IL13RA1: variants seen among roughly 807,000 people sequenced by gnomAD.
IL13RA1 encodes the protein interleukin-13 receptor subunit alpha-1.
IL13RA1 carries 14 observed loss-of-function variants against 33.8 expected under a neutral mutation model. That is an observed-to-expected ratio of 0.41 (90% confidence interval 0.27 to 0.65). IL13RA1 has a LOEUF of 0.65. Ranked by LOEUF, IL13RA1 falls within the 30% of genes least tolerant of loss-of-function variation. The pLI, the probability that IL13RA1 is intolerant of heterozygous loss-of-function variation, is 0.28. For missense variants in IL13RA1, 313 were observed against 327.0 expected, an observed-to-expected ratio of 0.96 and a Z score of 0.33; for synonymous variants, 116 against 115.7, an observed-to-expected ratio of 1.00 and a Z score of -0.02.
chrX:118,757,055 A>G (rs1202867057), intron 4 of IL13RA1, among the ~76,000 whole-genome samples: 1 of 111,926 alleles, frequency 8.9e-6, no homozygotes, highest in Non-Finnish European at 1.9e-5. Context: ...GGAACAGAAC[A>G]AGCCAAGAAA....
intron 1 of IL13RA1, among the ~76,000 whole-genome samples, chrX:118,731,499 C>T (rs1005597265): frequency 7.4e-5 from 8 of 108,837 alleles, no homozygotes; most frequent in Middle Eastern, 4.3e-3. Context: ...ATCGCTTGAA[C>T]CCAGGAGGCA....
chrX:118,803,037 G>A, the IL13RA1 span, among the ~76,000 whole-genome samples: 2 of 112,288 alleles, frequency 1.8e-5, no homozygotes, highest in Non-Finnish European at 3.8e-5. Context: ...TCTGGCAAGA[G>A]TCCATGTTCC....
intron 10 of IL13RA1, among the ~76,000 whole-genome samples, chrX:118,789,984 T>C: frequency 8.9e-6 from 1 of 112,292 alleles, no homozygotes; most frequent in East Asian, 2.8e-4. Context: ...TTCACATGTT[T>C]TAAAATCAAG....
intron 6 of IL13RA1, among the ~76,000 whole-genome samples, chrX:118,763,514 T>C: frequency 8.9e-6 from 1 of 112,636 alleles, no homozygotes; most frequent in Middle Eastern, 4.6e-3. Context: ...AACACCTCAA[T>C]ACTTCCTCTT....
chrX:118,737,406 A>G (rs1216165314), intron 1 of IL13RA1, among the ~76,000 whole-genome samples: 7 of 112,626 alleles, frequency 6.2e-5, no homozygotes, highest in African/African-American at 2.3e-4. Context: ...GTTACATCAA[A>G]CAGACTCTGC....
chrX:118,755,122 T>C (rs942753233), intron 4 of IL13RA1, among the ~76,000 whole-genome samples: 7 of 108,941 alleles, frequency 6.4e-5, no homozygotes, highest in African/African-American at 2.3e-4. Context: ...CTAATTTTTG[T>C]ATTTTCAGTA....
chrX:118,748,376 A>C (rs2017434213), intron 3 of IL13RA1, among the ~76,000 whole-genome samples: 1 of 105,899 alleles, frequency 9.4e-6, no homozygotes. Context: ...AAAAAAAAAA[A>C]AAAACGGCTA....
chrX:118,782,275 A>G (rs1404027077), intron 10 of IL13RA1, among the ~76,000 whole-genome samples: 2 of 110,765 alleles, frequency 1.8e-5, no homozygotes, highest in African/African-American at 6.6e-5. Flanking sequence ...AGGTCTCACT[A>G]TGTTGCCCAG....
intron 3 of IL13RA1, among the ~76,000 whole-genome samples, chrX:118,748,754 G>A (rs1040619191): frequency 9.0e-6 from 1 of 111,694 alleles, no homozygotes; most frequent in Non-Finnish European, 1.9e-5. Flanking sequence ...AAACAGAGGT[G>A]TTTAATTTAA....
chrX:118,757,523 T>TAAA (rs2017543028), intron 4 of IL13RA1, among the ~76,000 whole-genome samples: 1 of 36,541 alleles, frequency 2.7e-5, no homozygotes, highest in African/African-American at 1.9e-4. Context: ...AGACTCTGTC[T>TAAA]CAAAAAAAAA....
intron 10 of IL13RA1, among the ~76,000 whole-genome samples, chrX:118,790,110 A>G (rs937439379): frequency 1.8e-5 from 2 of 112,128 alleles, no homozygotes; most frequent in Non-Finnish European, 3.8e-5. Context: ...GAATATTTCC[A>G]TCATCTCCTA....
chrX:118,788,311 T>G (rs2017942037), intron 10 of IL13RA1, among the ~76,000 whole-genome samples: 1 of 112,158 alleles, frequency 8.9e-6, no homozygotes, highest in South Asian at 3.7e-4. Flanking sequence ...CTTCGCAGAA[T>G]TTTTCTGCAA....
In IL13RA1 at chrX:118,741,141, C is replaced by T. The variant is rs1429922599; in HGVS notation, c.213C>T (p.Gly71=). 4.5e-5 allele frequency: 52 copies of T among 1,160,206 alleles called. No individual in the cohort carries two copies. Among genetic ancestry groups the T allele is most frequent in the South Asian group, 7.2e-5 (4 of 55,319 alleles). The change falls in exon 2 of 11, where the codon GGC becomes GGT. Residue 71 remains glycine, a synonymous_variant. Transcript: ENST00000371666. ...NCSLWYFSHF[G]DKQDKKIAPE... is the part of the protein sequence containing the mutation. ...GTCTATGGTATTTTAGTCATTTTGG[C>T]GACAAACAAGATAAGGTAAGTTTTC...
chrX:118,795,235 A>G (rs12853786), downstream of IL13RA1, among the ~76,000 whole-genome samples: 1 of 108,384 alleles, frequency 9.2e-6, no homozygotes, highest in Admixed American at 9.7e-5. Context: ...AAAAAAGAAA[A>G]AGAAAAAAAA....
intron 1 of IL13RA1, among the ~76,000 whole-genome samples, chrX:118,737,820 G>A (rs1048088762): frequency 9.0e-6 from 1 of 111,658 alleles, no homozygotes. Flanking sequence ...GTGGGAGGTA[G>A]GTGGGTAGGG....
rs193100167 is a variant in IL13RA1 at position 118,766,859 on chromosome X, A to G, written c.892A>G (p.Met298Val). The change falls in exon 8 of 11, where the codon ATG (methionine) becomes GTG (valine). Residue 298 changes from methionine (M) to valine (V), a missense_variant. Coordinates refer to ENST00000371666, the MANE Select transcript of IL13RA1 (RefSeq NM_001560.3). ...TATGCCTAAGAATACATCTTGTTTC[A>G]TGGTCCCTGGTGTTCTTCCTGATAC... ...ERNVENTSCF[M>V]VPGVLPDTLN... 21 of 1,053,052 alleles carry G rather than the reference A, an allele frequency of 2.0e-5. No homozygotes were observed. The highest frequency in any genetic ancestry group is 5.6e-5 in the African/African-American group (3 of 53,704). The allele number at this position is 1,053,052 out of a possible 1,213,427, so 86.8% of individuals were successfully genotyped here.
downstream of IL13RA1, among the ~76,000 whole-genome samples, chrX:118,798,118 G>A (rs1390417583): frequency 9.0e-6 from 1 of 111,457 alleles, no homozygotes; most frequent in Non-Finnish European, 1.9e-5. Flanking sequence ...TCTTTCTTCT[G>A]TAGAAGATGA....
chrX:118,743,688 G>T (rs139074243), intron 2 of IL13RA1, among the ~76,000 whole-genome samples: 1 of 111,896 alleles, frequency 8.9e-6, no homozygotes, highest in Admixed American at 9.5e-5. Flanking sequence ...GTGAACATTG[G>T]TCTGGGGAGA....
At position 118,766,974 on chromosome X, in the gene IL13RA1, T is replaced by C; in HGVS notation, c.1007T>C (p.Ile336Thr). 1 of 1,082,946 alleles carries C rather than the reference T, an allele frequency of 9.2e-7. No individual in the cohort carries two copies. Among genetic ancestry groups the C allele is most frequent in the Non-Finnish European group, 1.3e-6 (1 of 796,733 alleles). 89.2% of individuals were successfully genotyped at this position (1,082,946 alleles called of 1,213,427 possible). Reference protein sequence around the residue: ...LWSNWSQEMSIGKKRNSTLYI... With the variant: ...LWSNWSQEMSTGKKRNSTLYI... ...AGTAATTGGAGCCAAGAAATGAGTA[T>C]AGGTAAGAGAACAGAATTTTTATTA... Residue 336 changes from isoleucine to threonine, a missense_variant and splice_region_variant, in exon 8 of 11, where the codon ATA becomes ACA. Physicochemically the swap from Ile to Thr is moderately conservative, Grantham distance 89 (BLOSUM62 -1). Transcript: ENST00000371666.
Sources: gnomAD v4.1 joint callset for allele counts (sites outside exome capture counted in the v4.1 genomes callset) on GRCh38, gnomAD v4.1.1 for gene constraint, MANE v1.5 for transcripts, NCBI Gene and HGNC (gene_info 2026-07-23, HGNC 2026-07-21) for gene names.